NUP98: variants seen among roughly 807,000 people sequenced by gnomAD.
NUP98 encodes the protein nucleoporin 98 and 96 precursor, also known as nuclear pore complex protein Nup98-Nup96.
Under a neutral mutation model 191.9 loss-of-function variants are expected in NUP98, and 26 were observed. That is an observed-to-expected ratio of 0.14 (90% confidence interval 0.10 to 0.19). The LOEUF (loss-of-function observed/expected upper bound fraction) is 0.19, where lower values mean the gene tolerates loss of function less well. NUP98 is among the 10% of genes least tolerant of loss of function. The pLI is 1.00. For missense variants in NUP98, 1,941 were observed against 2,178.8 expected, an observed-to-expected ratio of 0.89 and a Z score of 2.17; for synonymous variants, 808 against 778.4, an observed-to-expected ratio of 1.04 and a Z score of -0.63.
At chr11:3,700,012 G>T (rs1018989620) in intron 24 of NUP98, among the ~76,000 whole-genome samples, 1 of 152,194 alleles carries the variant, frequency 6.6e-6, no homozygotes, top group Non-Finnish European at 1.5e-5. Context: ...AAGCTGTTGA[G>T]AAGACCAACA....
rs115492631 is a variant in NUP98 at position 3,797,385 on chromosome 11, G to C, written c.-29+15C>G. On this transcript the variant is annotated intron_variant, in intron 1 of 32. Transcript: ENST00000324932. Reference sequence around the variant, plus strand: ...CTGCCGGTCTCGGCCGCTGCAGCTCGGGCTCCCGACTTACCGCGGTTCGGT... The same window carrying C: ...CTGCCGGTCTCGGCCGCTGCAGCTCCGGCTCCCGACTTACCGCGGTTCGGT... 2.2e-5 allele frequency: 9 copies of C among 402,012 alleles called. No homozygotes were observed. The South Asian group carries it at 6.5e-4, about 29-fold the overall frequency. 24.9% of individuals were successfully genotyped at this position (402,012 alleles called of 1,614,324 possible). A position where few individuals can be genotyped will look rare whatever the true frequency, so the allele number is the denominator to read the frequency against.
At chr11:3,779,740 CACAG>C (rs1467901096) in intron 2 of NUP98, among the ~76,000 whole-genome samples, 1 of 152,030 alleles carries the variant, frequency 6.6e-6, no homozygotes. Context: ...AAAACCAAGC[CACAG>C]ACATTTTATT....
chr11:3,795,625 G>A (rs560353094), intron 1 of NUP98, among the ~76,000 whole-genome samples: 1 of 152,124 alleles, frequency 6.6e-6, no homozygotes, highest in Non-Finnish European at 1.5e-5. Context: ...CTACTATGTG[G>A]CAAGCAACTG....
At chr11:3,776,270 C>T (rs1039000744) in intron 4 of NUP98, among the ~76,000 whole-genome samples, 6 of 151,504 alleles carry the variant, frequency 4.0e-5, no homozygotes, top group Admixed American at 6.6e-5. Flanking sequence ...CACAGGCATG[C>T]GCCACCACAC....
chr11:3,762,089 A>G (rs1368907182), intron 9 of NUP98, among the ~76,000 whole-genome samples: 2 of 152,164 alleles, frequency 1.3e-5, no homozygotes, highest in African/African-American at 2.4e-5. Context: ...AAACAGGACC[A>G]TATGTTTTAG....
chr11:3,696,984 G>A (rs1220494220), intron 25 of NUP98: 1 of 152,108 alleles, frequency 6.6e-6, no homozygotes, highest in Non-Finnish European at 1.5e-5. Flanking sequence ...ACTCTGGCAT[G>A]CCTTAAGATC....
chr11:3,740,090 T>C (rs953532085), intron 12 of NUP98, among the ~76,000 whole-genome samples: 4 of 152,188 alleles, frequency 2.6e-5, no homozygotes, highest in African/African-American at 9.6e-5. Context: ...CTAACCCTCA[T>C]GTTGTCCAAG....
chr11:3,757,496 C>T (rs913167608), intron 10 of NUP98, among the ~76,000 whole-genome samples: 18 of 150,476 alleles, frequency 1.2e-4, no homozygotes, highest in Non-Finnish European at 2.4e-4. Context: ...AAAAAACAAA[C>T]AAAACAAAAC....
chr11:3,712,096 G>T, intron 20 of NUP98: 1 of 1,052,440 alleles, frequency 9.5e-7, no homozygotes, highest in Non-Finnish European at 1.1e-6. Flanking sequence ...AAATATCAAG[G>T]TTACCCGAAG....
chr11:3,686,377 T>C (rs942394042), intron 28 of NUP98, among the ~76,000 whole-genome samples, 183 bp from the exon 29 acceptor site: 1 of 152,214 alleles, frequency 6.6e-6, no homozygotes, highest in Non-Finnish European at 1.5e-5. Flanking sequence ...CTTTAGATCC[T>C]ACAAAGAAAC....
intron 23 of NUP98, among the ~76,000 whole-genome samples, chr11:3,701,788 C>T (rs971455103): frequency 6.6e-6 from 1 of 151,626 alleles, no homozygotes; most frequent in Non-Finnish European, 1.5e-5. Context: ...CGGGTTCACA[C>T]CATTCTCCTG....
At chr11:3,766,487 T>G (rs1334278304) in intron 8 of NUP98, among the ~76,000 whole-genome samples, 2 of 151,996 alleles carry the variant, frequency 1.3e-5, no homozygotes, top group African/African-American at 4.8e-5. Flanking sequence ...GTCAGGAGTT[T>G]GAGACCAGCC....
chr11:3,792,554 T>A (rs969219091), intron 1 of NUP98, among the ~76,000 whole-genome samples: 3 of 152,056 alleles, frequency 2.0e-5, no homozygotes, highest in Non-Finnish European at 4.4e-5. Context: ...GAGGTTACAG[T>A]GAGCCAAGAT....
In NUP98 at chr11:3,723,507, G is replaced by A. The variant is rs570137589; in HGVS notation, c.1848-52C>T. 9.0e-5 allele frequency: 133 copies of A among 1,472,446 alleles called. 2 individuals are homozygous for A. In the South Asian group the frequency reaches 1.5e-3, roughly 16 times the overall value. 91.2% of individuals were successfully genotyped at this position (1,472,446 alleles called of 1,614,324 possible). ...AGCCTCTTGTAGTAGTAATAACAAT[G>A]ATAATAGCTAACTAATACCGAGCCT... On this transcript the variant is annotated intron_variant, in intron 15 of 32. Coordinates refer to ENST00000324932, the MANE Select transcript of NUP98 (RefSeq NM_016320.5).
intron 14 of NUP98, among the ~76,000 whole-genome samples, chr11:3,726,688 C>T (rs1479448087): frequency 1.3e-5 from 2 of 151,924 alleles, no homozygotes; most frequent in Non-Finnish European, 2.9e-5. Flanking sequence ...AATACTTTTT[C>T]CCCCAAACAG....
chr11:3,733,478 AT>A (rs1344792800), intron 13 of NUP98, among the ~76,000 whole-genome samples: 1 of 151,378 alleles, frequency 6.6e-6, no homozygotes, highest in African/African-American at 2.4e-5. Context: ...TGCCTGGCTA[AT>A]TTTTTTTTAT....
chr11:3,685,970 C>T lies in NUP98; in HGVS notation c.4676+3G>A, dbSNP rs2134028748. ...CCAGTGGGTTCAACGGCTTCTCACT[C>T]ACCCTGAGTTGTCAATGTGCAGGAG... On this transcript the variant is annotated splice_donor_region_variant and intron_variant, in intron 29 of 32. Transcript: ENST00000324932. The T allele has an allele frequency of 6.2e-7, 1 of 1,613,018 alleles. No individual in the cohort carries two copies. The highest frequency in any genetic ancestry group is 1.3e-5 in the African/African-American group (1 of 75,014).
At position 3,707,738 on chromosome 11, in the gene NUP98, CA is replaced by C. The variant is rs560101220; in HGVS notation, c.2743-1112del. 2.9e-3 allele frequency among the ~76,000 whole-genome samples: 139 copies of C among 48,558 alleles called. 12 individuals carry two copies. The East Asian group carries it at 0.086, about 30-fold the overall frequency. The allele number at this position is 48,558 out of a possible 152,430, so 31.9% of individuals were successfully genotyped here. ...TGGGCAACAGAATGAGACTCTGTCTCAAAAAAAAAAAAAAAATCCTGAAGGA... is the reference window on the plus strand; with the variant it reads ...TGGGCAACAGAATGAGACTCTGTCTCAAAAAAAAAAAAAAATCCTGAAGGA... On this transcript the variant is annotated intron_variant, in intron 20 of 32. Coordinates refer to ENST00000324932, the MANE Select transcript of NUP98 (RefSeq NM_016320.5).
At chr11:3,752,247 G>A (rs983661050) in intron 11 of NUP98, among the ~76,000 whole-genome samples, 5 of 151,914 alleles carry the variant, frequency 3.3e-5, no homozygotes, top group Non-Finnish European at 7.4e-5. Flanking sequence ...GCCAGGCACG[G>A]TGGCTCACAC....
Sources: allele counts gnomAD v4.1 joint callset (sites outside exome capture counted in the v4.1 genomes callset), GRCh38; gene constraint gnomAD v4.1.1; transcripts MANE v1.5; gene names NCBI Gene and HGNC (gene_info 2026-07-23, HGNC 2026-07-21).